Variants in TAS1R2 observed in about 807,000 individuals in gnomAD.
TAS1R2 encodes the protein taste 1 receptor member 2.
TAS1R2 carries 47 observed loss-of-function variants against 49.3 expected under a neutral mutation model. That is an observed-to-expected ratio of 0.95 (90% CI 0.75 to 1.22). The LOEUF is 1.22. TAS1R2 is among the 50% of genes most tolerant of loss of function. The pLI, the probability that TAS1R2 is intolerant of heterozygous loss-of-function variation, is 0.00. For synonymous variants in TAS1R2, 479 were observed against 467.9 expected (o/e 1.02, Z -0.31); for missense variants, 1,155 against 1,122.1 (o/e 1.03, Z -0.42).
exon 6 of TAS1R2, chr1:18,839,801 G>T (rs778593093): frequency 1.2e-6 from 2 of 1,614,238 alleles, no homozygotes; most frequent in South Asian, 2.2e-5. Flanking sequence ...GAGGGAGACG[G>T]ATGAGGTGAA....
exon 6 of TAS1R2, chr1:18,840,265 G>C (rs1395986211): frequency 6.2e-7 from 1 of 1,614,048 alleles, no homozygotes; most frequent in Non-Finnish European, 8.5e-7. Context: ...CGTACACCGG[G>C]ACCACCATGT....
intron 3 of TAS1R2, among the ~76,000 whole-genome samples, chr1:18,852,575 G>A (rs899285394): frequency 1.6e-4 from 24 of 152,320 alleles, no homozygotes; most frequent in Admixed American, 1.1e-3. Flanking sequence ...GCTGTCTCAA[G>A]AATGTCATCT....
intron 2 of TAS1R2, among the ~76,000 whole-genome samples, chr1:18,856,561 G>A (rs1934139335): frequency 6.6e-6 from 1 of 152,180 alleles, no homozygotes; most frequent in South Asian, 2.1e-4. Context: ...TTTCTAAGTT[G>A]TTGCCAGCTG....
At chr1:18,851,528 A>G (rs1934025178) in intron 3 of TAS1R2, among the ~76,000 whole-genome samples, 2 of 151,886 alleles carry the variant, frequency 1.3e-5, no homozygotes, top group South Asian at 2.1e-4. Flanking sequence ...ATGGGGTTTC[A>G]CCATGTTGGC....
At position 18,854,896 on chromosome 1, in the gene TAS1R2, C is replaced by T. The variant is rs758466636; in HGVS notation, c.574G>A (p.Glu192Lys). The change falls in exon 3 of 6, where the codon GAG (glutamate) becomes AAG (lysine). Residue 192 changes from glutamate to lysine, a missense_variant. Transcript: ENST00000375371. This position sits in a 1 kb window ranked among gnomAD's most constrained non-coding sequence, Gnocchi z 4.9. ...TGCAGCATCAGCTGCACCATGGCCTCGATGTGGTGGTCGGCGCTGGGTGTG... is the reference window on the plus strand; with the variant it reads ...TGCAGCATCAGCTGCACCATGGCCTTGATGTGGTGGTCGGCGCTGGGTGTG... The T allele has an allele frequency of 6.2e-6, 10 of 1,613,100 alleles. No individual in the cohort carries two copies. Among genetic ancestry groups the T allele is most frequent in the South Asian group, 5.5e-5 (5 of 91,090 alleles).
At chr1:18,855,363 T>A (rs1170792247) in intron 2 of TAS1R2, among the ~76,000 whole-genome samples, 2 of 152,186 alleles carry the variant, frequency 1.3e-5, no homozygotes, top group Admixed American at 6.5e-5. Flanking sequence ...AAACTCTTAC[T>A]AAGCACAGCG....
In TAS1R2 at chr1:18,849,292, C is replaced by T. The variant is rs907600350; in HGVS notation, c.1467+49G>A. ...AGGGCCCTAGCCACTCCAGCAAGGGCCCCAGGCCCCGCCCCAGGCCTGCCC... is the reference window on the plus strand; with the variant it reads ...AGGGCCCTAGCCACTCCAGCAAGGGTCCCAGGCCCCGCCCCAGGCCTGCCC... On this transcript the variant is annotated intron_variant, in intron 4 of 5. Coordinates refer to ENST00000375371, the Ensembl canonical transcript of TAS1R2. 1.9e-6 allele frequency: 3 copies of T among 1,602,816 alleles called. No homozygotes were observed. The African/African-American group carries it at 4.0e-5, about 21-fold the overall frequency.
chr1:18,851,771 T>G (rs1934031301), intron 3 of TAS1R2, among the ~76,000 whole-genome samples: 1 of 152,168 alleles, frequency 6.6e-6, no homozygotes, highest in African/African-American at 2.4e-5. Flanking sequence ...TCATCGCCCC[T>G]GAGTCCTGTC....
At chr1:18,849,271 C>A in intron 4 of TAS1R2, 70 bp downstream of exon 4, 1 of 1,534,818 alleles carries the variant, frequency 6.5e-7, no homozygotes, top group Non-Finnish European at 8.9e-7. Flanking sequence ...ATGAAAAGGG[C>A]CCTAGCCACT....
chr1:18,850,087 T>G (rs1415750414), intron 3 of TAS1R2, among the ~76,000 whole-genome samples: 2 of 152,098 alleles, frequency 1.3e-5, no homozygotes, highest in East Asian at 3.9e-4. Flanking sequence ...TCCCCAGACC[T>G]TAGGGTCAGC....
intron 2 of TAS1R2, 37 bp from the exon 3 acceptor site, chr1:18,855,023 C>T (rs377263473): frequency 1.2e-4 from 189 of 1,580,080 alleles, no homozygotes; most frequent in African/African-American, 5.6e-4. Context: ...GCGAGTGCCC[C>T]GCTGGGTGCT....
At position 18,854,115 on chromosome 1, in the gene TAS1R2, A is replaced by T; in HGVS notation, c.1257+98T>A. 1.6e-6 allele frequency: 2 copies of T among 1,225,476 alleles called. No individual in the cohort carries two copies. Among genetic ancestry groups the T allele is most frequent in the Non-Finnish European group, 2.3e-6 (2 of 884,788 alleles). The allele number at this position is 1,225,476 out of a possible 1,614,324, so 75.9% of individuals were successfully genotyped here. On this transcript the variant is annotated intron_variant, in intron 3 of 5. Transcript: ENST00000375371. The surrounding 1 kb of genome is among the most constrained non-coding windows in gnomAD (Gnocchi z 4.9). ...GAAGGACTAGTGCTATGTGTCTGGAAGAATGGGATACTCATGCCCTTTCAC... is the reference window on the plus strand; with the variant it reads ...GAAGGACTAGTGCTATGTGTCTGGATGAATGGGATACTCATGCCCTTTCAC...
intron 4 of TAS1R2, among the ~76,000 whole-genome samples, chr1:18,844,740 C>T (rs1219943613): frequency 6.3e-5 from 9 of 143,842 alleles, no homozygotes; most frequent in Admixed American, 2.1e-4. Context: ...GGCGACAGAG[C>T]GAGACTGTCT....
At chr1:18,840,573 G>A in intron 5 of TAS1R2, 46 bp from the exon 6 acceptor site, 1 of 1,604,042 alleles carries the variant, frequency 6.2e-7, no homozygotes, top group Non-Finnish European at 8.5e-7. Flanking sequence ...CATCTTCCAA[G>A]CACCTGCATC....
At chr1:18,859,649 C>A (rs1276763781) in exon 1 of TAS1R2, 1 of 1,614,182 alleles carries the variant, frequency 6.2e-7, no homozygotes, top group Admixed American at 1.7e-5. Context: ...TGGTCTTTGC[C>A]CTGGGCCCCA....
intron 4 of TAS1R2, among the ~76,000 whole-genome samples, chr1:18,845,192 G>A (rs7524412): frequency 0.15 from 22,125 of 152,088 alleles, 1,926 homozygotes; most frequent in East Asian, 0.44. Context: ...TCATGGTAAA[G>A]GGGTGTGACA....
chr1:18,849,034 T>G (rs930380149), intron 4 of TAS1R2, among the ~76,000 whole-genome samples: 2 of 152,316 alleles, frequency 1.3e-5, no homozygotes, highest in Admixed American at 6.5e-5. Flanking sequence ...TGGGGACCAC[T>G]GCCCCAGGGT....
chr1:18,848,291 C>G (rs1286470519), intron 4 of TAS1R2, among the ~76,000 whole-genome samples: 2 of 152,102 alleles, frequency 1.3e-5, no homozygotes, highest in Admixed American at 1.3e-4. Context: ...AAAATGGTAG[C>G]ATTTATCCTC....
chr1:18,847,182 G>A (rs1371580251), intron 4 of TAS1R2, among the ~76,000 whole-genome samples: 1 of 152,118 alleles, frequency 6.6e-6, no homozygotes, highest in Non-Finnish European at 1.5e-5. Context: ...TTCAAGAGTG[G>A]ACTAATATGG....
Sources: allele counts gnomAD v4.1 joint callset (sites outside exome capture counted in the v4.1 genomes callset), GRCh38; gene constraint gnomAD v4.1.1; non-coding constraint Gnocchi (gnomAD v3.1); transcripts MANE v1.5; gene names NCBI Gene and HGNC (gene_info 2026-07-23, HGNC 2026-07-21).